The following NAPEPLD variants were observed in gnomAD, a reference collection of about 807,000 sequenced individuals.
NAPEPLD encodes the protein N-acyl phosphatidylethanolamine phospholipase D, also known as N-acyl-phosphatidylethanolamine-hydrolyzing phospholipase D.
Under a neutral mutation model 38.1 loss-of-function variants are expected in NAPEPLD, and 23 were observed. That is an observed-to-expected ratio of 0.60 (90% confidence interval 0.43 to 0.86). The LOEUF (loss-of-function observed/expected upper bound fraction) is 0.86. NAPEPLD is among the 40% of genes least tolerant of loss of function. The pLI is 0.00. For synonymous variants in NAPEPLD, 147 were observed against 162.0 expected (o/e 0.91, Z 0.71); for missense variants, 411 against 476.8 (o/e 0.86, Z 1.28).
At chr7:103,141,475 C>G in intron 1 of NAPEPLD, 1 of 1,281,928 alleles carries the variant, frequency 7.8e-7, no homozygotes, top group Non-Finnish European at 1.1e-6. Context: ...CCTGATCAGC[C>G]AGGAGCTTCT....
chr7:103,141,772 C>T, intron 1 of NAPEPLD: 2 of 857,098 alleles, frequency 2.3e-6, no homozygotes, highest in South Asian at 1.3e-5. Context: ...GGGAATGGAC[C>T]ATCACAGGCT....
chr7:103,136,998 G>A (rs1810207327), intron 1 of NAPEPLD, among the ~76,000 whole-genome samples: 1 of 152,156 alleles, frequency 6.6e-6, no homozygotes, highest in Non-Finnish European at 1.5e-5. Context: ...AGAGTGCAGT[G>A]GTGCAATCTC....
chr7:103,103,626 C>G, intron 4 of NAPEPLD, 72 bp from the exon 5 acceptor site: 1 of 1,485,278 alleles, frequency 6.7e-7, no homozygotes. Flanking sequence ...AATAACAGTT[C>G]AAACTAAAAT....
intron 1 of NAPEPLD, among the ~76,000 whole-genome samples, chr7:103,135,416 C>T (rs962045520): frequency 6.6e-6 from 1 of 152,132 alleles, no homozygotes; most frequent in Non-Finnish European, 1.5e-5. Flanking sequence ...GTATTACTCC[C>T]AGAGGCATTT....
rs539185714 is a variant in NAPEPLD at position 103,142,545 on chromosome 7, G to A, written c.-17+6266C>T. On this transcript the variant is annotated intron_variant, in intron 1 of 4. Coordinates refer to ENST00000465647, the MANE Select transcript of NAPEPLD (RefSeq NM_001122838.3). ...CACTTGAACCAGGGAGGCAGAGGTT[G>A]CAGTGAGCCAAGATCGTGCCACTGC... is the stretch of plus-strand genomic sequence containing the variant. Among the ~76,000 whole-genome samples the A allele has an allele frequency of 3.9e-5, 6 of 152,310 alleles. No individual in the cohort carries two copies. In the South Asian group the frequency reaches 1.2e-3, roughly 32 times the overall value.
chr7:103,136,539 T>C (rs973218122), intron 1 of NAPEPLD, among the ~76,000 whole-genome samples: 1 of 149,534 alleles, frequency 6.7e-6, no homozygotes, highest in Non-Finnish European at 1.5e-5. Context: ...TGAGCCAAGA[T>C]TGTACCACTG....
chr7:103,104,077 G>T (rs1802819612), intron 4 of NAPEPLD, among the ~76,000 whole-genome samples: 1 of 151,324 alleles, frequency 6.6e-6, no homozygotes, highest in Non-Finnish European at 1.5e-5. Context: ...AGAATATGAA[G>T]GTTGAGCTCT....
chr7:103,143,078 A>C (rs1056903442), intron 1 of NAPEPLD, among the ~76,000 whole-genome samples: 2 of 68,970 alleles, frequency 2.9e-5, no homozygotes, highest in South Asian at 5.1e-4. Context: ...AAAACAAAAA[A>C]ACAAAAAAAC....
chr7:103,138,301 G>C (rs920783665), intron 1 of NAPEPLD, among the ~76,000 whole-genome samples: 1 of 151,998 alleles, frequency 6.6e-6, no homozygotes, highest in African/African-American at 2.4e-5. Context: ...TCATAATTAC[G>C]TATACAAAAA....
At chr7:103,122,178 C>T (rs541971555) in intron 2 of NAPEPLD, among the ~76,000 whole-genome samples, 9 of 150,952 alleles carry the variant, frequency 6.0e-5, no homozygotes, top group African/African-American at 1.2e-4. Flanking sequence ...TGGGCTGAAG[C>T]GATCTGCTTC....
chr7:103,105,050 G>A (rs956696660), intron 4 of NAPEPLD, among the ~76,000 whole-genome samples: 2 of 152,148 alleles, frequency 1.3e-5, no homozygotes, highest in African/African-American at 4.8e-5. Flanking sequence ...TCTTTAATCT[G>A]CCTAGATTTA....
At chr7:103,138,027 G>C (rs1426585706) in intron 1 of NAPEPLD, among the ~76,000 whole-genome samples, 1 of 150,968 alleles carries the variant, frequency 6.6e-6, no homozygotes, top group Non-Finnish European at 1.5e-5. Flanking sequence ...ACCCAGGCTG[G>C]AGTGCAATGG....
In NAPEPLD at chr7:103,119,954, A is replaced by G. The variant is rs1806299781; in HGVS notation, c.564T>C (p.Tyr188=). The G allele has an allele frequency of 1.9e-6, 3 of 1,614,110 alleles. No homozygotes were observed. The highest frequency in any genetic ancestry group is 2.2e-5 in the South Asian group (2 of 91,092). Reference sequence around the variant, plus strand: ...TGACAGAATTGTAGTCCAGATGGTCATAGTGGTTGTGACTGATAAGGACCG... The same window carrying G: ...TGACAGAATTGTAGTCCAGATGGTCGTAGTGGTTGTGACTGATAAGGACCG... ...IDAVLISHNH[Y]DHLDYNSVIA... Residue 188 remains tyrosine (Y), a synonymous_variant, in exon 3 of 5, where the codon TAT becomes TAC. Transcript: ENST00000465647.
chr7:103,129,480 G>C (rs1313345856), intron 1 of NAPEPLD, among the ~76,000 whole-genome samples: 1 of 152,090 alleles, frequency 6.6e-6, no homozygotes, highest in Non-Finnish European at 1.5e-5. Context: ...ACAATGCATA[G>C]TAAGGACTGC....
chr7:103,131,750 A>G (rs1808984654), intron 1 of NAPEPLD, among the ~76,000 whole-genome samples: 1 of 152,108 alleles, frequency 6.6e-6, no homozygotes. Context: ...CTAGATTGTG[A>G]GCCTGGACTC....
In NAPEPLD at chr7:103,115,101, ATTTC is replaced by A; in HGVS notation, c.1011_1014del (p.Lys337AsnfsTer12). The A allele has an allele frequency of 6.2e-7, 1 of 1,613,952 alleles. No individual in the cohort carries two copies. The highest frequency in any genetic ancestry group is 1.7e-5 in the Admixed American group (1 of 59,992). On this transcript the variant is annotated frameshift_variant, in exon 4 of 5. Coordinates refer to ENST00000465647, the MANE Select transcript of NAPEPLD (RefSeq NM_001122838.3). LOFTEE classifies it high-confidence loss of function. ...AAAGTTCCCCAGTGAATTGCCATAG[ATTTC>A]TTTGTTTGGACATCAGTGTGAATCC...
chr7:103,149,447 T>C (rs1267966524), upstream of NAPEPLD: 3 of 1,258,328 alleles, frequency 2.4e-6, no homozygotes, highest in Admixed American at 7.5e-5. Flanking sequence ...CGCCAGCAGC[T>C]GCAGGCAGCG....
chr7:103,122,451 G>A (rs1806908191), intron 2 of NAPEPLD, among the ~76,000 whole-genome samples: 1 of 152,152 alleles, frequency 6.6e-6, no homozygotes, highest in South Asian at 2.1e-4. Flanking sequence ...AGGGCAGATG[G>A]GGAGATGCTG....
Position 103,128,474 on chromosome 7 carries a change from A to G in NAPEPLD, c.294+9T>C, listed in dbSNP as rs1054589953. 22 of 1,612,492 alleles carry G rather than the reference A, an allele frequency of 1.4e-5. No individual in the cohort carries two copies. The highest frequency in any genetic ancestry group is 1.7e-5 in the Non-Finnish European group (20 of 1,179,656). ...CAAATATAAAGCACTCAAAAAAGCC[A>G]AGCGCTACCTCTTTAGAACTTGGAA... On this transcript the variant is annotated intron_variant, in intron 2 of 4. Coordinates refer to ENST00000465647, the MANE Select transcript of NAPEPLD (RefSeq NM_001122838.3).
Sources: gnomAD v4.1 joint callset for allele counts (sites outside exome capture counted in the v4.1 genomes callset) on GRCh38, gnomAD v4.1.1 for gene constraint, MANE v1.5 for transcripts, NCBI Gene and HGNC (gene_info 2026-07-23, HGNC 2026-07-21) for gene names.